KIZ: variants seen among roughly 807,000 people sequenced by gnomAD.
KIZ encodes the protein kizuna centrosomal protein, also known as centrosomal protein kizuna.
KIZ carries 68 observed loss-of-function variants against 79.6 expected under a neutral mutation model. That is an observed-to-expected ratio of 0.85 (90% confidence interval 0.70 to 1.05). The LOEUF is 1.05. Ranked by LOEUF, KIZ falls within the 50% of genes least tolerant of loss-of-function variation. KIZ has a pLI of 0.00. For synonymous variants in KIZ, 280 were observed against 281.8 expected (o/e 0.99, Z 0.06); for missense variants, 797 against 800.4 (o/e 1.00, Z 0.05).
intron 6 of KIZ, among the ~76,000 whole-genome samples, chr20:21,204,447 A>G (rs2035730631): frequency 6.6e-6 from 1 of 151,876 alleles, no homozygotes; most frequent in African/African-American, 2.4e-5. Context: ...CCAAAGGTTT[A>G]TATTTTTATT....
At chr20:21,197,015 C>A (rs1257326229) in intron 6 of KIZ, 1 of 152,212 alleles carries the variant, frequency 6.6e-6, no homozygotes, top group Non-Finnish European at 1.5e-5. Flanking sequence ...TTATAAGTTG[C>A]TTTGTAACTA....
At chr20:21,163,854 T>C (rs1392040807) in intron 6 of KIZ, among the ~76,000 whole-genome samples, 1 of 152,180 alleles carries the variant, frequency 6.6e-6, no homozygotes, top group Admixed American at 6.5e-5. Context: ...GTGTATCTAC[T>C]ATGTAGAAAA....
At chr20:21,143,439 C>T (rs2032681649) in intron 3 of KIZ, among the ~76,000 whole-genome samples, 1 of 152,120 alleles carries the variant, frequency 6.6e-6, no homozygotes, top group African/African-American at 2.4e-5. Flanking sequence ...TAATGGAAAA[C>T]GTTTGTGAGC....
At chr20:21,127,018 CAA>C (rs956583088) in intron 1 of KIZ, among the ~76,000 whole-genome samples, 7 of 152,124 alleles carry the variant, frequency 4.6e-5, no homozygotes, top group Admixed American at 1.3e-4. Context: ...TTAAAAGTTA[CAA>C]AATCATTCTA....
At chr20:21,198,680 C>T (rs1434292935) in intron 6 of KIZ, 1 of 152,494 alleles carries the variant, frequency 6.6e-6, no homozygotes, top group Non-Finnish European at 1.5e-5. Context: ...TTAAAGGGAC[C>T]CTGTCACAAG....
At chr20:21,221,090 GA>G (rs2036488863) in intron 9 of KIZ, among the ~76,000 whole-genome samples, 1 of 152,122 alleles carries the variant, frequency 6.6e-6, no homozygotes, top group Non-Finnish European at 1.5e-5. Flanking sequence ...CAGTTTGCCT[GA>G]AACACTCAGG....
At chr20:21,178,286 T>C (rs1410958052) in intron 6 of KIZ, among the ~76,000 whole-genome samples, 1 of 152,080 alleles carries the variant, frequency 6.6e-6, no homozygotes, top group Non-Finnish European at 1.5e-5. Flanking sequence ...CATGGAAGTC[T>C]TGTACCTCCT....
At chr20:21,182,537 T>G (rs1374297237) in intron 6 of KIZ, among the ~76,000 whole-genome samples, 1 of 152,188 alleles carries the variant, frequency 6.6e-6, no homozygotes, top group Non-Finnish European at 1.5e-5. Flanking sequence ...GGCTCAGCCC[T>G]GTAATCCTAG....
chr20:21,227,321 A>G (rs947862911), intron 9 of KIZ, among the ~76,000 whole-genome samples: 1 of 152,174 alleles, frequency 6.6e-6, no homozygotes, highest in Non-Finnish European at 1.5e-5. Context: ...ACCTTCAGAC[A>G]ATGGAGAAAT....
In KIZ at chr20:21,214,589, A is replaced by G. The variant is rs369519137; in HGVS notation, c.1501A>G (p.Ile501Val). ...AGAAGAGTGTGGCCGTAGGTCAGCT[A>G]TTCACAGTAGTGAATCATCTTGCAG... ...LTEECGRRSA[I>V]HSSESSCSLP... Residue 501 changes from isoleucine (I) to valine (V), a missense_variant, in exon 8 of 13, where the codon ATT (isoleucine) becomes GTT (valine). Ile to Val is a conservative substitution (Grantham distance 29, BLOSUM62 3). Coordinates refer to ENST00000619189, the MANE Select transcript of KIZ (RefSeq NM_018474.6). The G allele has an allele frequency of 1.9e-6, 3 of 1,613,420 alleles. No homozygotes were observed. The highest frequency in any genetic ancestry group is 1.7e-6 in the Non-Finnish European group (2 of 1,179,414).
intron 6 of KIZ, among the ~76,000 whole-genome samples, chr20:21,182,166 T>G (rs1453468811): frequency 6.6e-6 from 1 of 152,184 alleles, no homozygotes; most frequent in Non-Finnish European, 1.5e-5. Flanking sequence ...TTGGGTTAGA[T>G]GAGGTCAGGA....
intron 6 of KIZ, among the ~76,000 whole-genome samples, chr20:21,182,037 G>A (rs1197548326): frequency 6.6e-6 from 1 of 152,170 alleles, no homozygotes; most frequent in East Asian, 1.9e-4. Context: ...CCTACAGCCA[G>A]GAGCAAAGTG....
chr20:21,208,122 C>T (rs1351319085), intron 7 of KIZ, among the ~76,000 whole-genome samples: 1 of 152,176 alleles, frequency 6.6e-6, no homozygotes, highest in Non-Finnish European at 1.5e-5. Flanking sequence ...GCAAGTACAT[C>T]ACATTCAGGC....
At chr20:21,126,265 G>T (rs750974457) in intron 1 of KIZ, 61 bp downstream of exon 1, 235 of 1,162,820 alleles carry the variant, frequency 2.0e-4, no homozygotes, top group Non-Finnish European at 2.6e-4. Context: ...CGCGTGCCCT[G>T]CCCCATTTTC....
chr20:21,186,136 AT>A (rs1600484495), intron 6 of KIZ, among the ~76,000 whole-genome samples: 2 of 152,182 alleles, frequency 1.3e-5, no homozygotes, highest in South Asian at 4.1e-4. Flanking sequence ...CTAGTAAAAA[AT>A]GTTCTAATTT....
At chr20:21,230,918 G>A (rs537541972) in intron 10 of KIZ, among the ~76,000 whole-genome samples, 2 of 152,332 alleles carry the variant, frequency 1.3e-5, no homozygotes, top group African/African-American at 4.8e-5. Context: ...GGCCCCAGGA[G>A]AGTAACACCG....
intron 3 of KIZ, among the ~76,000 whole-genome samples, chr20:21,136,944 T>A (rs1383170142): frequency 2.0e-5 from 3 of 152,218 alleles, no homozygotes; most frequent in African/African-American, 7.2e-5. Flanking sequence ...AACTGCATTT[T>A]CCAAGATTCT....
intron 4 of KIZ, chr20:21,151,382 G>A (rs754167313): frequency 3.9e-5 from 6 of 152,086 alleles, no homozygotes; most frequent in Non-Finnish European, 8.8e-5. Flanking sequence ...TCTTCTCTGT[G>A]GCAGTATTCT....
At chr20:21,167,379 A>G (rs79047562) in intron 6 of KIZ, among the ~76,000 whole-genome samples, 3,053 of 152,228 alleles carry the variant, frequency 0.02, 96 homozygotes, top group African/African-American at 0.068. Context: ...GTGATTCAGC[A>G]GCCAAGGTAA....
Sources: allele counts gnomAD v4.1 joint callset (sites outside exome capture counted in the v4.1 genomes callset), GRCh38; gene constraint gnomAD v4.1.1; transcripts MANE v1.5; gene names NCBI Gene and HGNC (gene_info 2026-07-23, HGNC 2026-07-21).